The following RBMS3 variants were observed in gnomAD, a reference collection of about 807,000 sequenced individuals.
The protein encoded by RBMS3 is RNA binding motif single stranded interacting protein 3.
Under a neutral mutation model 66.8 loss-of-function variants are expected in RBMS3, and 27 were observed. The observed-to-expected ratio is 0.40, with a 90% confidence interval of 0.30 to 0.56. RBMS3 has a LOEUF of 0.56. Ranked by LOEUF, RBMS3 falls within the 20% of genes least tolerant of loss-of-function variation. The pLI is 0.40. For missense variants in RBMS3, 513 were observed against 549.5 expected (o/e 0.93, Z 0.66); for synonymous variants, 188 against 183.0 (o/e 1.03, Z -0.22).
chr3:29,512,303 G>T (rs1399970901), intron 3 of RBMS3, among the ~76,000 whole-genome samples: 2 of 151,838 alleles, frequency 1.3e-5, no homozygotes, highest in Admixed American at 6.6e-5. Flanking sequence ...ATTTGAAAAA[G>T]GTTTTAAAAA....
At position 29,784,446 on chromosome 3, in the gene RBMS3, C is replaced by A. The variant is rs188785853; in HGVS notation, c.637+21457C>A. Among the ~76,000 whole-genome samples, 430 of 152,112 alleles carry A rather than the reference C, an allele frequency of 2.8e-3. 3 individuals are homozygous for A. The highest frequency in any genetic ancestry group is 9.3e-3 in the African/African-American group (388 of 41,542). On this transcript the variant is annotated intron_variant, in intron 6 of 14. Transcript: ENST00000383767. ...TGCTCCTGAATGATCACGGGGTCAACAATGAAATCAAGAGGAAAATTTAAA... is the reference window on the plus strand; with the variant it reads ...TGCTCCTGAATGATCACGGGGTCAAAAATGAAATCAAGAGGAAAATTTAAA...
At chr3:29,781,715 G>C (rs1157395011) in intron 6 of RBMS3, among the ~76,000 whole-genome samples, 1 of 152,036 alleles carries the variant, frequency 6.6e-6, no homozygotes, top group African/African-American at 2.4e-5. Flanking sequence ...TTTCTCAGTG[G>C]GGAGGCTAGT....
chr3:29,526,795 G>C (rs111517593), intron 3 of RBMS3, among the ~76,000 whole-genome samples: 53 of 151,996 alleles, frequency 3.5e-4, no homozygotes, highest in African/African-American at 1.2e-3. Context: ...GATAGATAAC[G>C]TTTCCCAACT....
At chr3:29,810,666 A>G (rs1559695783) in intron 6 of RBMS3, among the ~76,000 whole-genome samples, 1 of 152,204 alleles carries the variant, frequency 6.6e-6, no homozygotes, top group Non-Finnish European at 1.5e-5. Context: ...TTCATGGTGT[A>G]ACACATGTAT....
At chr3:29,499,045 G>A (rs6778694) in intron 3 of RBMS3, among the ~76,000 whole-genome samples, 3,066 of 152,140 alleles carry the variant, frequency 0.02, 44 homozygotes, top group Middle Eastern at 0.024. Flanking sequence ...AAATTCCATC[G>A]CAGTGACAGG....
chr3:29,448,018 G>A (rs1018893691), intron 2 of RBMS3, among the ~76,000 whole-genome samples: 1 of 152,154 alleles, frequency 6.6e-6, no homozygotes, highest in Non-Finnish European at 1.5e-5. Flanking sequence ...CCAAATTTAA[G>A]ATAAAGAATG....
At position 29,349,035 on chromosome 3, in the gene RBMS3, G is replaced by A. The variant is rs113927040; in HGVS notation, c.75+67279G>A. The stretch of plus-strand genomic sequence containing the variant: ...ACAGGTGAGGAAGGTAGGGAAGTTC[G>A]TACTTGACTTTCTTGAGATGGCTTT... On this transcript the variant is annotated intron_variant, in intron 1 of 14. Coordinates refer to ENST00000383767, the MANE Select transcript of RBMS3 (RefSeq NM_001003793.3). Among the ~76,000 whole-genome samples the A allele has an allele frequency of 3.9e-5, 6 of 152,234 alleles. No individual in the cohort carries two copies. In the East Asian group the frequency reaches 5.8e-4, roughly 15 times the overall value.
At chr3:29,815,408 C>A (rs961854193) in intron 6 of RBMS3, among the ~76,000 whole-genome samples, 2 of 151,984 alleles carry the variant, frequency 1.3e-5, no homozygotes, top group East Asian at 3.9e-4. Context: ...CACATTTCAC[C>A]CTAGGAAACA....
At chr3:29,749,499 T>C (rs749778734) in intron 5 of RBMS3, among the ~76,000 whole-genome samples, 8 of 152,208 alleles carry the variant, frequency 5.3e-5, no homozygotes, top group Admixed American at 1.3e-4. Context: ...AACTTTTTCA[T>C]AAGGAATCTC....
At chr3:29,513,497 A>C (rs2044497839) in intron 3 of RBMS3, among the ~76,000 whole-genome samples, 2 of 152,176 alleles carry the variant, frequency 1.3e-5, no homozygotes, top group Non-Finnish European at 2.9e-5. Flanking sequence ...TGGTCACAAT[A>C]GTCACTGTAC....
chr3:29,822,347 C>T (rs207463083), intron 6 of RBMS3, among the ~76,000 whole-genome samples: 1 of 152,310 alleles, frequency 6.6e-6, no homozygotes, highest in Non-Finnish European at 1.5e-5. Flanking sequence ...TAGTCCAAAA[C>T]ATTCTTCAAT....
chr3:29,573,636 C>T (rs906451586), intron 3 of RBMS3, among the ~76,000 whole-genome samples: 12 of 151,900 alleles, frequency 7.9e-5, no homozygotes, highest in Non-Finnish European at 1.2e-4. Context: ...ATTTTTAGTT[C>T]TTTAAGATGC....
At chr3:29,569,638 A>T (rs1047648193) in intron 3 of RBMS3, among the ~76,000 whole-genome samples, 3 of 152,064 alleles carry the variant, frequency 2.0e-5, no homozygotes, top group African/African-American at 7.2e-5. Context: ...ATTTCAAGAG[A>T]TGGGTGTTTG....
At chr3:29,855,058 A>T (rs988802060) in intron 6 of RBMS3, among the ~76,000 whole-genome samples, 5 of 152,324 alleles carry the variant, frequency 3.3e-5, no homozygotes, top group African/African-American at 1.2e-4. Context: ...GGTTCATAAA[A>T]GTTATTCCCC....
chr3:29,294,843 C>G (rs952647259), intron 1 of RBMS3, among the ~76,000 whole-genome samples: 4 of 151,556 alleles, frequency 2.6e-5, no homozygotes, highest in East Asian at 3.9e-4. Flanking sequence ...AACTGTTAAC[C>G]AATTTTGGAC....
chr3:29,470,020 A>G (rs1362415514), intron 2 of RBMS3, among the ~76,000 whole-genome samples: 5 of 147,962 alleles, frequency 3.4e-5, no homozygotes, highest in Non-Finnish European at 7.5e-5. Context: ...ATGTAATTCA[A>G]TGATTAAAAT....
chr3:29,480,536 T>C (rs1325584633), intron 2 of RBMS3, among the ~76,000 whole-genome samples: 1 of 152,150 alleles, frequency 6.6e-6, no homozygotes, highest in Non-Finnish European at 1.5e-5. Context: ...GAGGAAGCTA[T>C]TTAGGAGGTC....
At chr3:29,288,171 C>T (rs1246893258) in intron 1 of RBMS3, among the ~76,000 whole-genome samples, 1 of 151,948 alleles carries the variant, frequency 6.6e-6, no homozygotes, top group East Asian at 1.9e-4. Flanking sequence ...GGTTGGGTTC[C>T]TTCACTAGGA....
At chr3:29,506,702 C>T (rs1045355827) in intron 3 of RBMS3, among the ~76,000 whole-genome samples, 4 of 151,862 alleles carry the variant, frequency 2.6e-5, no homozygotes, top group African/African-American at 7.2e-5. Flanking sequence ...ATCATCAGGT[C>T]CCGGACTTTT....
Sources: gnomAD v4.1 joint callset for allele counts (sites outside exome capture counted in the v4.1 genomes callset) on GRCh38, gnomAD v4.1.1 for gene constraint, MANE v1.5 for transcripts, NCBI Gene and HGNC (gene_info 2026-07-23, HGNC 2026-07-21) for gene names.